The following SOX5 variants were observed in gnomAD, a reference collection of about 807,000 sequenced individuals.
SOX5 encodes SRY-box transcription factor 5.
SOX5 carries 9 observed loss-of-function variants against 92.0 expected under a neutral mutation model. The observed-to-expected ratio is 0.10, with a 90% CI of 0.06 to 0.17. The LOEUF (loss-of-function observed/expected upper bound fraction) is 0.17, where lower values mean the gene tolerates loss of function less well. Ranked by LOEUF, SOX5 falls within the 10% of genes least tolerant of loss-of-function variation. SOX5 has a pLI of 1.00. For missense variants in SOX5, 642 were observed against 944.5 expected (o/e 0.68, Z 4.20); for synonymous variants, 344 against 336.3 (o/e 1.02, Z -0.25).
chr12:23,651,565 A>G (rs562476402), intron 7 of SOX5, among the ~76,000 whole-genome samples: 22 of 152,150 alleles, frequency 1.4e-4, no homozygotes, highest in Non-Finnish European at 2.9e-4. Context: ...TATGAAAATA[A>G]GACATATAAA....
At chr12:23,629,771 A>C (rs962132050) in intron 8 of SOX5, among the ~76,000 whole-genome samples, 1 of 151,646 alleles carries the variant, frequency 6.6e-6, no homozygotes, top group Non-Finnish European at 1.5e-5. Context: ...TTTCATTTCA[A>C]CCTCCTCTAT....
At chr12:24,232,021 C>A (rs1033076223) in intron 3 of SOX5, among the ~76,000 whole-genome samples, 8 of 152,146 alleles carry the variant, frequency 5.3e-5, no homozygotes, top group African/African-American at 1.4e-4. Context: ...ACGTTCTGAA[C>A]AAATTTGTAA....
At chr12:23,986,240 G>A (rs1261125550) in intron 4 of SOX5, among the ~76,000 whole-genome samples, 1 of 152,032 alleles carries the variant, frequency 6.6e-6, no homozygotes, top group Non-Finnish European at 1.5e-5. Context: ...GTAAACTGTA[G>A]CATATTTTTC....
intron 2 of SOX5, among the ~76,000 whole-genome samples, chr12:24,359,263 T>C (rs906806858): frequency 6.6e-6 from 1 of 152,228 alleles, no homozygotes; most frequent in African/African-American, 2.4e-5. Flanking sequence ...AAAGAAGTCT[T>C]AAGCGATCTG....
chr12:24,064,543 T>C (rs1411368008), intron 4 of SOX5, among the ~76,000 whole-genome samples: 2 of 152,248 alleles, frequency 1.3e-5, no homozygotes, highest in African/African-American at 4.8e-5. Flanking sequence ...ATTTAAAAGC[T>C]TTAAAGTAGT....
intron 4 of SOX5, among the ~76,000 whole-genome samples, chr12:24,145,309 T>G (rs1209074512): frequency 6.6e-6 from 1 of 152,036 alleles, no homozygotes; most frequent in Non-Finnish European, 1.5e-5. Context: ...AGAAAACAAA[T>G]GCAAGATGGT....
intron 2 of SOX5, among the ~76,000 whole-genome samples, chr12:24,327,156 ATAT>A (rs1226146946): frequency 6.6e-6 from 1 of 152,134 alleles, no homozygotes; most frequent in East Asian, 1.9e-4. Flanking sequence ...TAATCCTTTA[ATAT>A]TATATGACTG....
At chr12:24,255,582 G>T (rs1941013728) in intron 3 of SOX5, among the ~76,000 whole-genome samples, 1 of 152,106 alleles carries the variant, frequency 6.6e-6, no homozygotes, top group African/African-American at 2.4e-5. Context: ...AGAGTAAAGT[G>T]GAATTGTTTC....
intron 3 of SOX5, among the ~76,000 whole-genome samples, chr12:23,786,356 T>C (rs2141873010): frequency 6.6e-6 from 1 of 152,066 alleles, no homozygotes; most frequent in East Asian, 1.9e-4. Flanking sequence ...TAAACATACA[T>C]TTTTCTTTTC....
intron 2 of SOX5, among the ~76,000 whole-genome samples, chr12:23,888,212 T>C (rs1335763561): frequency 1.3e-5 from 2 of 152,328 alleles, no homozygotes; most frequent in Middle Eastern, 3.4e-3. Context: ...TTGAGTTGAA[T>C]CTTTCTGCAG....
intron 11 of SOX5, among the ~76,000 whole-genome samples, chr12:23,550,650 C>T (rs1282229198): frequency 6.6e-6 from 1 of 151,852 alleles, no homozygotes; most frequent in Non-Finnish European, 1.5e-5. Flanking sequence ...CTTTGTCTAT[C>T]ATTTACAATA....
intron 1 of SOX5, among the ~76,000 whole-genome samples, chr12:23,917,635 T>C (rs1026373246): frequency 2.0e-5 from 3 of 152,170 alleles, no homozygotes; most frequent in Non-Finnish European, 4.4e-5. Context: ...CAACAGGTAG[T>C]GTGCTCCACA....
intron 9 of SOX5, among the ~76,000 whole-genome samples, chr12:23,578,981 G>A (rs1949663373): frequency 6.6e-6 from 1 of 152,112 alleles, no homozygotes; most frequent in African/African-American, 2.4e-5. Flanking sequence ...AGAAAGCAAA[G>A]AGAAAAGACT....
chr12:23,744,287 G>A (rs2093906799), intron 4 of SOX5, among the ~76,000 whole-genome samples: 1 of 152,074 alleles, frequency 6.6e-6, no homozygotes, highest in South Asian at 2.1e-4. Flanking sequence ...AACCTCCTGA[G>A]TTCTAAAATA....
At chr12:23,751,159 T>C (rs1009203580) in intron 4 of SOX5, among the ~76,000 whole-genome samples, 2 of 151,906 alleles carry the variant, frequency 1.3e-5, no homozygotes, top group African/African-American at 4.8e-5. Flanking sequence ...CTACATGTTG[T>C]GTACCTTCCT....
chr12:24,505,002 C>A (rs564801070), intron 1 of SOX5, among the ~76,000 whole-genome samples: 21 of 152,304 alleles, frequency 1.4e-4, no homozygotes, highest in Non-Finnish European at 2.2e-4. Context: ...GAAGCAACAA[C>A]AGATAAAAAG....
chr12:24,412,256 A>C (rs896260732), intron 1 of SOX5, among the ~76,000 whole-genome samples: 3 of 151,832 alleles, frequency 2.0e-5, no homozygotes, highest in Non-Finnish European at 4.4e-5. Flanking sequence ...TAATTTTTTC[A>C]TGGATTATTT....
At chr12:24,409,743 T>C (rs974577228) in intron 1 of SOX5, among the ~76,000 whole-genome samples, 14 of 152,220 alleles carry the variant, frequency 9.2e-5, no homozygotes, top group African/African-American at 3.4e-4. Flanking sequence ...GCACTTGTCA[T>C]TGATTAATGA....
At chr12:23,919,831 T>C (rs1451435233) in intron 1 of SOX5, among the ~76,000 whole-genome samples, 1 of 152,214 alleles carries the variant, frequency 6.6e-6, no homozygotes, top group Non-Finnish European at 1.5e-5. Flanking sequence ...AACTATCTTT[T>C]ACAAAAATAA....
Sources: allele counts gnomAD v4.1 joint callset (sites outside exome capture counted in the v4.1 genomes callset), GRCh38; gene constraint gnomAD v4.1.1; transcripts MANE v1.5; gene names NCBI Gene and HGNC (gene_info 2026-07-23, HGNC 2026-07-21).